TNR: variants seen among roughly 807,000 people sequenced by gnomAD.
The protein encoded by TNR is tenascin-R.
TNR carries 45 observed loss-of-function variants against 150.4 expected under a neutral mutation model. The observed-to-expected ratio is 0.30, with a 90% confidence interval of 0.24 to 0.38. The LOEUF (loss-of-function observed/expected upper bound fraction) is 0.38, where lower values mean the gene tolerates loss of function less well. TNR is among the 10% of genes least tolerant of loss of function. The pLI, the probability that TNR is intolerant of heterozygous loss-of-function variation, is 1.00. For synonymous variants in TNR, 687 were observed against 678.4 expected (o/e 1.01, Z -0.20); for missense variants, 1,544 against 1,759.1 (o/e 0.88, Z 2.19).
chr1:175,718,025 G>A (rs948639112), intron 1 of TNR, among the ~76,000 whole-genome samples: 2 of 152,198 alleles, frequency 1.3e-5, no homozygotes, highest in Admixed American at 6.5e-5. Context: ...TTCTGTTCAC[G>A]TAAGTACCAA....
chr1:175,436,730 C>G (rs1330213145), intron 2 of TNR, among the ~76,000 whole-genome samples: 2 of 152,188 alleles, frequency 1.3e-5, no homozygotes, highest in Admixed American at 6.5e-5. Context: ...GGGTTGCAAT[C>G]CTAGTCTCTG....
At chr1:175,725,471 C>A (rs1009735094) in intron 1 of TNR, among the ~76,000 whole-genome samples, 1 of 152,178 alleles carries the variant, frequency 6.6e-6, no homozygotes, top group Non-Finnish European at 1.5e-5. Flanking sequence ...AATTCTATAA[C>A]TAAAATGACA....
intron 2 of TNR, among the ~76,000 whole-genome samples, chr1:175,525,005 C>T (rs1379504593): frequency 6.6e-6 from 1 of 152,180 alleles, no homozygotes; most frequent in Non-Finnish European, 1.5e-5. Flanking sequence ...AACCAAATCT[C>T]ATCTTGAATT....
chr1:175,554,699 TCCAGC>T (rs1425024477), intron 1 of TNR, among the ~76,000 whole-genome samples: 1 of 148,728 alleles, frequency 6.7e-6, no homozygotes, highest in Non-Finnish European at 1.5e-5. Context: ...CCATGATTTC[TCCAGC>T]CCCCACCCCT....
At chr1:175,414,166 T>G (rs1654334064) in intron 2 of TNR, among the ~76,000 whole-genome samples, 1 of 152,038 alleles carries the variant, frequency 6.6e-6, no homozygotes, top group Non-Finnish European at 1.5e-5. Flanking sequence ...ACTTCCCAGC[T>G]TCTAGAATGG....
rs112867173 is a variant in TNR, at chr1:175,394,716, C to T, written c.1241-821G>A. Among the ~76,000 whole-genome samples, 10 of 152,354 alleles carry T rather than the reference C, an allele frequency of 6.6e-5. 1 individual carries two copies. Among genetic ancestry groups the T allele is most frequent in the African/African-American group, 2.4e-4 (10 of 41,590 alleles). ...CCATTGGAAAAAGGACAGATTTTCT[C>T]ATCCTTCCTGTTTGGAAGAGTTCTC... On this transcript the variant is annotated intron_variant, in intron 5 of 22. Coordinates refer to ENST00000367674, the MANE Select transcript of TNR (RefSeq NM_003285.3).
At chr1:175,465,578 G>C (rs905511266) in intron 2 of TNR, among the ~76,000 whole-genome samples, 2 of 152,280 alleles carry the variant, frequency 1.3e-5, no homozygotes, top group East Asian at 1.9e-4. Context: ...GCTCTTTCCA[G>C]GTTCTTAGGG....
At chr1:175,668,548 C>T (rs146518872) in intron 1 of TNR, among the ~76,000 whole-genome samples, 4 of 152,216 alleles carry the variant, frequency 2.6e-5, no homozygotes, top group Admixed American at 2.6e-4. Flanking sequence ...ATGCAAGTGC[C>T]CTGAGACTGG....
chr1:175,544,305 C>A (rs1660607134), intron 1 of TNR, among the ~76,000 whole-genome samples: 1 of 151,994 alleles, frequency 6.6e-6, no homozygotes, highest in South Asian at 2.1e-4. Context: ...TAGTGAGAGC[C>A]CAAACTCAGG....
At chr1:175,447,673 T>TTTG (rs573269741) in intron 2 of TNR, among the ~76,000 whole-genome samples, 5 of 152,222 alleles carry the variant, frequency 3.3e-5, no homozygotes, top group South Asian at 2.1e-4. Flanking sequence ...TTGTCTCTTT[T>TTTG]TTGTTGTTGT....
chr1:175,398,069 C>A (rs988069502), intron 4 of TNR, among the ~76,000 whole-genome samples: 1 of 152,144 alleles, frequency 6.6e-6, no homozygotes, highest in African/African-American at 2.4e-5. Flanking sequence ...CCTTTACAAC[C>A]AGGTAGGCTG....
intron 9 of TNR, among the ~76,000 whole-genome samples, chr1:175,379,331 C>T (rs1216189281): frequency 6.6e-6 from 1 of 152,106 alleles, no homozygotes; most frequent in Non-Finnish European, 1.5e-5. Context: ...TGCACTCCAG[C>T]CTGGGTGACA....
Position 175,426,996 on chromosome 1 carries a change from A to G in TNR, c.-63-20219T>C, listed in dbSNP as rs370083966. On this transcript the variant is annotated intron_variant, in intron 2 of 22. Coordinates refer to ENST00000367674, the MANE Select transcript of TNR (RefSeq NM_003285.3). ...TATATATATTATATATATGAAACCA[A>G]AGTTTCACAGAAGAATATTTACCTT... is the stretch of plus-strand genomic sequence containing the variant. Among the ~76,000 whole-genome samples the G allele has an allele frequency of 2.8e-5, 4 of 144,684 alleles. No individual in the cohort carries two copies. The East Asian group carries it at 7.9e-4, about 29-fold the overall frequency. The allele number at this position is 144,684 out of a possible 152,430, so 94.9% of individuals were successfully genotyped here. A position where few individuals can be genotyped will look rare whatever the true frequency, so the allele number is the denominator to read the frequency against.
At chr1:175,495,999 C>A (rs866598450) in intron 2 of TNR, among the ~76,000 whole-genome samples, 2 of 152,182 alleles carry the variant, frequency 1.3e-5, no homozygotes, top group African/African-American at 4.8e-5. Context: ...GCGGGGAGAG[C>A]CTTTCAACAT....
chr1:175,438,076 A>G (rs571655579), intron 2 of TNR, among the ~76,000 whole-genome samples: 2 of 152,312 alleles, frequency 1.3e-5, no homozygotes, highest in African/African-American at 4.8e-5. Flanking sequence ...ACACAATAAA[A>G]AAAGAGAATT....
intron 2 of TNR, among the ~76,000 whole-genome samples, chr1:175,481,013 T>C (rs1657787108): frequency 6.6e-6 from 1 of 152,214 alleles, no homozygotes; most frequent in Non-Finnish European, 1.5e-5. Flanking sequence ...GAGTAATCTG[T>C]AACTTTGAAC....
chr1:175,358,133 C>A (rs556951624), intron 15 of TNR, among the ~76,000 whole-genome samples: 3 of 152,070 alleles, frequency 2.0e-5, no homozygotes, highest in Admixed American at 2.0e-4. Flanking sequence ...TTAAAAAATG[C>A]GGGATCATGT....
At position 175,705,511 on chromosome 1, in the gene TNR, G is replaced by C. The variant is rs146236064; in HGVS notation, c.-165+37715C>G. On this transcript the variant is annotated intron_variant, in intron 1 of 22. Coordinates refer to ENST00000367674, the MANE Select transcript of TNR (RefSeq NM_003285.3). ...ATGAGCCTTTGGAAAGAAAAAGTTGGTGCATTCAAAGCAGCATAAGACAAA... is the reference window on the plus strand; with the variant it reads ...ATGAGCCTTTGGAAAGAAAAAGTTGCTGCATTCAAAGCAGCATAAGACAAA... 8.8e-3 allele frequency among the ~76,000 whole-genome samples: 1,335 copies of C among 152,182 alleles called. 17 individuals carry two copies. Among genetic ancestry groups the C allele is most frequent in the Admixed American group, 0.015 (236 of 15,278 alleles).
At chr1:175,588,930 G>C (rs549484934) in intron 1 of TNR, among the ~76,000 whole-genome samples, 2 of 152,122 alleles carry the variant, frequency 1.3e-5, no homozygotes, top group Admixed American at 6.5e-5. Flanking sequence ...AGTTCTTGTC[G>C]CATTCATCTA....
Sources: gnomAD v4.1 joint callset for allele counts (sites outside exome capture counted in the v4.1 genomes callset) on GRCh38, gnomAD v4.1.1 for gene constraint, MANE v1.5 for transcripts, NCBI Gene and HGNC (gene_info 2026-07-23, HGNC 2026-07-21) for gene names.